The following PCSK5 variants were observed in gnomAD, a reference collection of about 807,000 sequenced individuals.
PCSK5 encodes the protein prohormone convertase 5.
PCSK5 carries 129 observed loss-of-function variants against 233.2 expected under a neutral mutation model. The ratio of observed to expected loss-of-function variants is 0.55; its 90% CI spans 0.48 to 0.64. The LOEUF (loss-of-function observed/expected upper bound fraction) is 0.64. Ranked by LOEUF, PCSK5 falls within the 30% of genes least tolerant of loss-of-function variation. The pLI, the probability that PCSK5 is intolerant of heterozygous loss-of-function variation, is 0.00. For synonymous variants in PCSK5, 825 were observed against 879.2 expected, an observed-to-expected ratio of 0.94 and a Z score of 1.09; for missense variants, 2,076 against 2,430.1, an observed-to-expected ratio of 0.85 and a Z score of 3.06.
At chr9:76,081,137 T>TA (rs2131619885) in intron 7 of PCSK5, among the ~76,000 whole-genome samples, 1 of 152,290 alleles carries the variant, frequency 6.6e-6, no homozygotes, top group Admixed American at 6.5e-5. Context: ...CACCACTTAT[T>TA]ATATGCTCCT....
intron 20 of PCSK5, among the ~76,000 whole-genome samples, chr9:76,224,418 A>AG (rs1825819465): frequency 6.6e-6 from 1 of 152,124 alleles, no homozygotes; most frequent in Non-Finnish European, 1.5e-5. Context: ...TTTGACATTG[A>AG]GAAAAAAAAA....
At chr9:76,189,285 C>CATAAGAAA (rs1455878463) in intron 19 of PCSK5, 62 bp downstream of exon 19, 10 of 1,335,050 alleles carry the variant, frequency 7.5e-6, no homozygotes, top group Non-Finnish European at 1.0e-5. Flanking sequence ...TGACTATCTT[C>CATAAGAAA]ATAAGAAAAT....
At chr9:75,978,590 G>T (rs1826127006) in intron 2 of PCSK5, among the ~76,000 whole-genome samples, 1 of 152,184 alleles carries the variant, frequency 6.6e-6, no homozygotes, top group Non-Finnish European at 1.5e-5. Flanking sequence ...AGGGAATCAT[G>T]CTGCTACAGT....
intron 35 of PCSK5, among the ~76,000 whole-genome samples, chr9:76,343,550 T>C (rs899851710): frequency 6.6e-6 from 1 of 152,108 alleles, no homozygotes; most frequent in African/African-American, 2.4e-5. Flanking sequence ...CCCTTCAGCA[T>C]AGAGCTCTTC....
Position 76,308,644 on chromosome 9 carries a change from G to T in PCSK5, c.3605-1G>T, listed in dbSNP as rs1239709000. On this transcript the variant is annotated splice_acceptor_variant, in intron 28 of 37. Coordinates refer to ENST00000674117, the MANE Select transcript of PCSK5 (RefSeq NM_001372043.1). LOFTEE classifies it high-confidence loss of function. ...TGAACTGTTGTTTCTTTCTCATACA[G>T]ATATTTTGAGAAAACTCCAGCCTTG... is the stretch of plus-strand genomic sequence containing the variant. 1 of 1,573,944 alleles carries T rather than the reference G, an allele frequency of 6.4e-7. No homozygotes were observed. The highest frequency in any genetic ancestry group is 1.3e-5 in the African/African-American group (1 of 74,158).
intron 22 of PCSK5, among the ~76,000 whole-genome samples, chr9:76,235,138 G>A (rs140088435): frequency 6.6e-6 from 1 of 152,280 alleles, no homozygotes; most frequent in East Asian, 1.9e-4. Context: ...CTGGTATATG[G>A]AAGGTTCATA....
intron 24 of PCSK5, among the ~76,000 whole-genome samples, chr9:76,243,130 G>C (rs1212316998): frequency 6.6e-6 from 1 of 152,170 alleles, no homozygotes; most frequent in Non-Finnish European, 1.5e-5. Flanking sequence ...CTGACCCTCT[G>C]GGGACTCAAA....
At position 76,157,129 on chromosome 9, in the gene PCSK5, A is replaced by C; in HGVS notation, c.1397A>C (p.His466Pro). Residue 466 changes from histidine to proline, a missense_variant, in exon 11 of 38, where the codon CAC becomes CCC. Coordinates refer to ENST00000674117, the MANE Select transcript of PCSK5 (RefSeq NM_001372043.1). ...AAGTGGACCACCGTTCCCCGGCAGC[A>C]CGTGTGTGTGGAGAGCACAGACCGA... is the stretch of plus-strand genomic sequence containing the variant. ...AEKWTTVPRQ[H>P]VCVESTDRQI... 1 of 1,613,550 alleles carries C rather than the reference A, an allele frequency of 6.2e-7. No homozygotes were observed. Among genetic ancestry groups the C allele is most frequent in the Non-Finnish European group, 8.5e-7 (1 of 1,179,808 alleles).
intron 7 of PCSK5, among the ~76,000 whole-genome samples, chr9:76,090,989 A>G (rs1374699535): frequency 2.0e-5 from 3 of 152,140 alleles, no homozygotes; most frequent in Middle Eastern, 3.4e-3. Flanking sequence ...AGCGCCTGTG[A>G]GAATCCATTG....
intron 24 of PCSK5, among the ~76,000 whole-genome samples, chr9:76,281,432 G>A (rs1211273927): frequency 6.6e-6 from 1 of 152,170 alleles, no homozygotes; most frequent in African/African-American, 2.4e-5. Context: ...ACAAGGCCGG[G>A]TTCAGCACAT....
intron 1 of PCSK5, among the ~76,000 whole-genome samples, chr9:75,918,206 TG>T (rs1823089930): frequency 6.6e-6 from 1 of 152,194 alleles, no homozygotes; most frequent in African/African-American, 2.4e-5. Context: ...ATAGATTGGT[TG>T]GGTATATGCA....
rs1235963126 is a variant in PCSK5, at chr9:76,009,174, C to A, written c.412-14564C>A. ...CAAAATATTTGTTGAATTAAAGATGCAAATTTAATTTTATAACAAACGTAG... is the reference window on the plus strand; with the variant it reads ...CAAAATATTTGTTGAATTAAAGATGAAAATTTAATTTTATAACAAACGTAG... On this transcript the variant is annotated intron_variant, in intron 3 of 37. Coordinates refer to ENST00000674117, the MANE Select transcript of PCSK5 (RefSeq NM_001372043.1). Among the ~76,000 whole-genome samples the A allele has an allele frequency of 2.0e-5, 3 of 152,052 alleles. No homozygotes were observed. In the East Asian group the frequency reaches 5.8e-4, roughly 29 times the overall value.
rs147542203 is a variant in PCSK5 at position 76,321,333 on chromosome 9, T to C, written c.3885-89T>C. The C allele has an allele frequency of 3.5e-3, 2,515 of 719,258 alleles. 11 individuals carry two copies. Among genetic ancestry groups the C allele is most frequent in the South Asian group, 0.013 (861 of 63,896 alleles). 44.6% of individuals were successfully genotyped at this position (719,258 alleles called of 1,614,324 possible). On this transcript the variant is annotated intron_variant, in intron 30 of 37. Transcript: ENST00000674117. ...CAGCTGACGACAGCAGCAGCCCTTT[T>C]GTTTTTAGACCTAATTCCTTTTCCC...
At chr9:75,918,094 C>A (rs1391456967) in intron 1 of PCSK5, among the ~76,000 whole-genome samples, 2 of 152,134 alleles carry the variant, frequency 1.3e-5, no homozygotes, top group Non-Finnish European at 2.9e-5. Flanking sequence ...TAATGTTTTT[C>A]ATTATCTTCT....
chr9:75,909,992 G>C (rs922033815), intron 1 of PCSK5, among the ~76,000 whole-genome samples: 1 of 152,194 alleles, frequency 6.6e-6, no homozygotes, highest in African/African-American at 2.4e-5. Context: ...AGCTCCAGAT[G>C]GTGGATGCTT....
intron 14 of PCSK5, among the ~76,000 whole-genome samples, chr9:76,176,242 A>G (rs1823609900): frequency 6.6e-6 from 1 of 152,252 alleles, no homozygotes; most frequent in Non-Finnish European, 1.5e-5. Context: ...ACAGACTAAC[A>G]TCATTGGCCA....
intron 24 of PCSK5, among the ~76,000 whole-genome samples, chr9:76,292,021 A>G (rs147645298): frequency 6.6e-6 from 1 of 152,284 alleles, no homozygotes; most frequent in African/African-American, 2.4e-5. Flanking sequence ...AGTGTTTATG[A>G]GAATTCTTAC....
intron 30 of PCSK5, among the ~76,000 whole-genome samples, chr9:76,311,952 C>T (rs1828876231): frequency 6.6e-6 from 1 of 152,150 alleles, no homozygotes; most frequent in Non-Finnish European, 1.5e-5. Context: ...AGAAAATTTC[C>T]TCAGATTTTT....
chr9:76,292,190 G>T lies in PCSK5; in HGVS notation c.3143-43G>T, dbSNP rs73464524. On this transcript the variant is annotated intron_variant, in intron 24 of 37. Coordinates refer to ENST00000674117, the MANE Select transcript of PCSK5 (RefSeq NM_001372043.1). ...TTCAGACCCTATTTTTCCAAATGAC[G>T]AATTCCTCATGATTATTACTTTTTA... 7.7e-4 allele frequency: 919 copies of T among 1,191,166 alleles called. 8 individuals carry two copies. The African/African-American group carries it at 0.012, about 16-fold the overall frequency. The allele number at this position is 1,191,166 out of a possible 1,614,324, so 73.8% of individuals were successfully genotyped here. A position where few individuals can be genotyped will look rare whatever the true frequency, so the allele number is the denominator to read the frequency against.
Sources: allele counts gnomAD v4.1 joint callset (sites outside exome capture counted in the v4.1 genomes callset), GRCh38; gene constraint gnomAD v4.1.1; transcripts MANE v1.5; gene names NCBI Gene and HGNC (gene_info 2026-07-23, HGNC 2026-07-21).